Variants in LRRC8C observed in about 807,000 individuals in gnomAD.
The protein encoded by LRRC8C is leucine rich repeat containing 8 VRAC subunit C.
LRRC8C carries 20 observed loss-of-function variants against 55.3 expected under a neutral mutation model. The observed-to-expected ratio is 0.36, with a 90% CI of 0.25 to 0.53. The LOEUF (loss-of-function observed/expected upper bound fraction) is 0.53, where lower values mean the gene tolerates loss of function less well. LRRC8C is among the 20% of genes least tolerant of loss of function. LRRC8C has a pLI of 0.92. For missense variants in LRRC8C, 659 were observed against 951.4 expected (o/e 0.69, Z 4.04); for synonymous variants, 376 against 360.7 (o/e 1.04, Z -0.48).
At chr1:89,633,648 G>C (rs1656198899) in intron 1 of LRRC8C, among the ~76,000 whole-genome samples, 1 of 152,046 alleles carries the variant, frequency 6.6e-6, no homozygotes, top group East Asian at 1.9e-4. Flanking sequence ...GGGGCGGTCC[G>C]CGAGGGGAAA....
chr1:89,616,816 A>G, the LRRC8C span, among the ~76,000 whole-genome samples: 2 of 152,216 alleles, frequency 1.3e-5, no homozygotes, highest in Non-Finnish European at 2.9e-5. Flanking sequence ...ATCTCAGGGA[A>G]TTCTGAGCCA....
intron 2 of LRRC8C, among the ~76,000 whole-genome samples, chr1:89,688,545 C>T (rs1657942860): frequency 6.6e-6 from 1 of 152,052 alleles, no homozygotes; most frequent in Non-Finnish European, 1.5e-5. Context: ...GACTTTTGGC[C>T]AAGGAATTAA....
At chr1:89,659,424 C>A (rs1657054051) in intron 1 of LRRC8C, among the ~76,000 whole-genome samples, 1 of 152,062 alleles carries the variant, frequency 6.6e-6, no homozygotes, top group East Asian at 1.9e-4. Context: ...TAACCCCAGG[C>A]AAGATATTGA....
At chr1:89,706,155 G>T in intron 2 of LRRC8C, 1 of 332,446 alleles carries the variant, frequency 3.0e-6, no homozygotes, top group Non-Finnish European at 5.9e-6. Flanking sequence ...GTTCTTGTTG[G>T]TATCCCAAAT....
At chr1:89,659,430 A>C (rs1055311583) in intron 1 of LRRC8C, among the ~76,000 whole-genome samples, 2 of 152,128 alleles carry the variant, frequency 1.3e-5, no homozygotes, top group Non-Finnish European at 2.9e-5. Context: ...CAGGCAAGAT[A>C]TTGACCTTCC....
chr1:89,658,083 T>A (rs983790840), intron 1 of LRRC8C, among the ~76,000 whole-genome samples: 1 of 152,168 alleles, frequency 6.6e-6, no homozygotes, highest in Non-Finnish European at 1.5e-5. Context: ...GTTCTTTATA[T>A]AAGGAAACCA....
intron 1 of LRRC8C, among the ~76,000 whole-genome samples, chr1:89,662,405 G>A (rs1001866960): frequency 6.6e-6 from 1 of 152,168 alleles, no homozygotes; most frequent in Non-Finnish European, 1.5e-5. Flanking sequence ...TTTTCACAGA[G>A]TGAGATGGAG....
At chr1:89,707,263 C>T (rs996630896) in intron 2 of LRRC8C, among the ~76,000 whole-genome samples, 20 of 151,960 alleles carry the variant, frequency 1.3e-4, no homozygotes, top group African/African-American at 4.1e-4. Flanking sequence ...AAAAATTAGT[C>T]GGGTGTGGTG....
intron 1 of LRRC8C, among the ~76,000 whole-genome samples, chr1:89,677,209 T>C (rs1340124593): frequency 6.6e-6 from 1 of 152,138 alleles, no homozygotes; most frequent in African/African-American, 2.4e-5. Flanking sequence ...CTTAGAAAAA[T>C]AGGTTAAGCT....
rs563025945 is a variant in LRRC8C, at chr1:89,695,383, A to C, written c.138+8772A>C. Among the ~76,000 whole-genome samples, 10 of 152,324 alleles carry C rather than the reference A, an allele frequency of 6.6e-5. No individual in the cohort carries two copies. In the East Asian group the frequency reaches 1.9e-3, roughly 29 times the overall value. Reference sequence around the variant, plus strand: ...CCCTACTCAAGTTATTTTAGTTCTTAAAAGCTGGTGAGATTCTTTGCACTG... The same window carrying C: ...CCCTACTCAAGTTATTTTAGTTCTTCAAAGCTGGTGAGATTCTTTGCACTG... On this transcript the variant is annotated intron_variant, in intron 2 of 2. Transcript: ENST00000370454.
rs1343427078 is a variant in LRRC8C, at chr1:89,659,057, TTTTTTGTGTGTG to T, written c.-5+25737_-5+25748del. On this transcript the variant is annotated intron_variant, in intron 1 of 2. Transcript: ENST00000370454. Reference sequence around the variant, plus strand: ...GTTGTGTCTTCTCCAGGTTTTTTTTTTTTTTGTGTGTGTGTGTGTGTGTGTGTGTGTGTGTGT... The same window carrying T: ...GTTGTGTCTTCTCCAGGTTTTTTTTTTGTGTGTGTGTGTGTGTGTGTGTGT... Among the ~76,000 whole-genome samples, 579 of 81,658 alleles carry T rather than the reference TTTTTTGTGTGTG, an allele frequency of 7.1e-3. 32 individuals are homozygous for T. Among genetic ancestry groups the T allele is most frequent in the East Asian group, 0.037 (146 of 3,918 alleles). The allele number at this position is 81,658 out of a possible 152,430, so 53.6% of individuals were successfully genotyped here. A position where few individuals can be genotyped will look rare whatever the true frequency, so the allele number is the denominator to read the frequency against.
chr1:89,711,029 A>G (rs1557669710), intron 2 of LRRC8C, among the ~76,000 whole-genome samples: 1 of 152,238 alleles, frequency 6.6e-6, no homozygotes. Context: ...CCATGACTTT[A>G]TGAAAAGACG....
At chr1:89,643,710 A>G (rs1412190816) in intron 1 of LRRC8C, among the ~76,000 whole-genome samples, 4 of 152,164 alleles carry the variant, frequency 2.6e-5, no homozygotes, top group Admixed American at 2.0e-4. Flanking sequence ...GTTTATTGTC[A>G]CAGCTTTTCC....
chr1:89,707,952 T>C (rs1235478540), intron 2 of LRRC8C, among the ~76,000 whole-genome samples: 4 of 152,088 alleles, frequency 2.6e-5, no homozygotes, highest in Non-Finnish European at 5.9e-5. Context: ...CTCCTTCACT[T>C]AGACATTTTC....
At chr1:89,687,473 C>T (rs1324129774) in intron 2 of LRRC8C, among the ~76,000 whole-genome samples, 1 of 152,112 alleles carries the variant, frequency 6.6e-6, no homozygotes, top group African/African-American at 2.4e-5. Context: ...AGAACTGGCA[C>T]ATATAGGGTG....
intron 1 of LRRC8C, among the ~76,000 whole-genome samples, chr1:89,660,387 A>T (rs752965618): frequency 6.6e-5 from 10 of 152,206 alleles, no homozygotes; most frequent in Non-Finnish European, 1.2e-4. Flanking sequence ...AAAACAAAAC[A>T]AAACAAAAAC....
chr1:89,619,142 T>C, the LRRC8C span, among the ~76,000 whole-genome samples: 7 of 152,316 alleles, frequency 4.6e-5, no homozygotes, highest in African/African-American at 1.7e-4. Context: ...CAGTAAACAA[T>C]GAAAGTCTTT....
At chr1:89,687,385 G>A (rs1238400624) in intron 2 of LRRC8C, among the ~76,000 whole-genome samples, 1 of 152,208 alleles carries the variant, frequency 6.6e-6, no homozygotes, top group African/African-American at 2.4e-5. Flanking sequence ...CTGAAAGTAA[G>A]AGGACACCAA....
chr1:89,682,496 A>G (rs139142524), intron 1 of LRRC8C, among the ~76,000 whole-genome samples: 4 of 152,332 alleles, frequency 2.6e-5, no homozygotes, highest in East Asian at 3.9e-4. Flanking sequence ...AGTATGGTTC[A>G]TGGAAGCCTG....
Sources: allele counts gnomAD v4.1 joint callset (sites outside exome capture counted in the v4.1 genomes callset), GRCh38; gene constraint gnomAD v4.1.1; transcripts MANE v1.5; gene names NCBI Gene and HGNC (gene_info 2026-07-23, HGNC 2026-07-21).